The following HERC2 variants were observed in gnomAD, a reference collection of about 807,000 sequenced individuals.
HERC2 encodes E3 ubiquitin-protein ligase HERC2.
A neutral mutation model predicts 537.7 loss-of-function variants in HERC2; 102 were observed. That is an observed-to-expected ratio of 0.19 (90% CI 0.16 to 0.22). HERC2 has a LOEUF of 0.22. Among genes scored for constraint, HERC2 ranks in the 10% least tolerant of loss-of-function variants. The pLI, the probability that HERC2 is intolerant of heterozygous loss-of-function variation, is 1.00. For synonymous variants in HERC2, 2,224 were observed against 2,466.2 expected, an observed-to-expected ratio of 0.90 and a Z score of 2.91; for missense variants, 4,236 against 6,198.2, an observed-to-expected ratio of 0.68 and a Z score of 10.63.
intron 65 of HERC2, 28 bp from the exon 66 acceptor site, chr15:28,169,683 G>A (rs759258781): frequency 6.3e-7 from 1 of 1,589,526 alleles, no homozygotes; most frequent in Non-Finnish European, 8.6e-7. Flanking sequence ...AATTTGCATT[G>A]TTTTTAAAAT....
At chr15:28,198,832 A>T (rs926028906) in intron 48 of HERC2, 63 bp from the exon 49 acceptor site, 2 of 1,405,814 alleles carry the variant, frequency 1.4e-6, no homozygotes, top group Non-Finnish European at 2.0e-6. Context: ...GAGCCATGAT[A>T]AGTAGTATTA....
intron 53 of HERC2, 26 bp downstream of exon 53, chr15:28,191,935 C>T (rs367693536): frequency 9.6e-5 from 153 of 1,594,604 alleles, no homozygotes; most frequent in Non-Finnish European, 1.2e-4. Context: ...TGAAAGTGCC[C>T]GCTGCTGTGC....
At chr15:28,128,614 G>A (rs891564750) in intron 83 of HERC2, among the ~76,000 whole-genome samples, 6 of 152,300 alleles carry the variant, frequency 3.9e-5, no homozygotes, top group South Asian at 2.1e-4. Flanking sequence ...AGGCTTTAAC[G>A]AGGAGCACAG....
intron 23 of HERC2, 127 bp downstream of exon 23, chr15:28,245,754 C>T: frequency 1.2e-6 from 1 of 848,096 alleles, no homozygotes; most frequent in Non-Finnish European, 1.9e-6. Flanking sequence ...CCATTTTTTA[C>T]TTATACTACC....
At chr15:28,117,258 A>C in intron 86 of HERC2, 104 bp from the exon 87 acceptor site, 1 of 1,141,744 alleles carries the variant, frequency 8.8e-7, no homozygotes, top group East Asian at 2.4e-5. Flanking sequence ...GGCACCGTGC[A>C]TGGGCCCCTC....
chr15:28,214,573 G>A (rs1429768936), intron 40 of HERC2, 82 bp downstream of exon 40: 1 of 1,535,116 alleles, frequency 6.5e-7, no homozygotes, highest in East Asian at 2.3e-5. Flanking sequence ...CCAGGGCACA[G>A]GGAAGGGAAA....
At chr15:28,316,781 G>A (rs34086791) in intron 2 of HERC2, among the ~76,000 whole-genome samples, 1 of 151,848 alleles carries the variant, frequency 6.6e-6, no homozygotes, top group African/African-American at 2.4e-5. Context: ...TCTACTGATC[G>A]TTTTTATTTT....
chr15:28,214,353 G>T (rs984108744), intron 40 of HERC2, 81 bp from the exon 41 acceptor site: 1 of 1,229,904 alleles, frequency 8.1e-7, no homozygotes, highest in Non-Finnish European at 1.2e-6. Context: ...CCACCTCTAA[G>T]TGACGGCACT....
intron 20 of HERC2, among the ~76,000 whole-genome samples, chr15:28,252,308 C>A (rs2075109542): frequency 6.6e-6 from 1 of 151,834 alleles, no homozygotes; most frequent in African/African-American, 2.4e-5. Context: ...TCTGGGCAAG[C>A]AGGAGACGGG....
intron 23 of HERC2, among the ~76,000 whole-genome samples, chr15:28,240,078 A>T (rs1902902748): frequency 6.6e-6 from 1 of 152,180 alleles, no homozygotes; most frequent in Non-Finnish European, 1.5e-5. Flanking sequence ...CCTTATCATT[A>T]AGAGGTAAAA....
At chr15:28,206,687 G>A (rs1223927706) in intron 44 of HERC2, among the ~76,000 whole-genome samples, 1 of 151,252 alleles carries the variant, frequency 6.6e-6, no homozygotes, top group Non-Finnish European at 1.5e-5. Context: ...CAAAACATTA[G>A]CTGGGCATGG....
chr15:28,214,879 T>G, intron 39 of HERC2, 77 bp from the exon 40 acceptor site: 1 of 1,289,068 alleles, frequency 7.8e-7, no homozygotes, highest in South Asian at 1.4e-5. Context: ...TTTTTTTATT[T>G]TTTATTTTTT....
intron 2 of HERC2, among the ~76,000 whole-genome samples, chr15:28,314,318 A>G (rs974509633): frequency 2.0e-5 from 3 of 152,214 alleles, no homozygotes; most frequent in African/African-American, 4.8e-5. Flanking sequence ...GGAATGAACT[A>G]AAGTGTTAAC....
At chr15:28,307,435 T>C (rs1474069932) in intron 2 of HERC2, among the ~76,000 whole-genome samples, 3 of 152,226 alleles carry the variant, frequency 2.0e-5, no homozygotes, top group Admixed American at 6.5e-5. Context: ...CCTTCTTTTC[T>C]AGTTCTTTAA....
At chr15:28,207,028 C>A (rs912586593) in intron 44 of HERC2, among the ~76,000 whole-genome samples, 2 of 150,320 alleles carry the variant, frequency 1.3e-5, no homozygotes, top group Non-Finnish European at 3.0e-5. Flanking sequence ...AAAAAAAAAA[C>A]TAGACTCTAA....
At chr15:28,267,193 A>T (rs959185891) in intron 12 of HERC2, among the ~76,000 whole-genome samples, 1 of 152,156 alleles carries the variant, frequency 6.6e-6, no homozygotes, top group African/African-American at 2.4e-5. Flanking sequence ...AAATACACAC[A>T]GTGGCACAGG....
intron 88 of HERC2, 88 bp from the exon 89 acceptor site, chr15:28,115,629 C>T (rs1273963915): frequency 2.3e-6 from 2 of 883,146 alleles, no homozygotes; most frequent in Non-Finnish European, 3.7e-6. Context: ...GACAGCAGCT[C>T]CACACTCAGG....
At chr15:28,140,742 G>A (rs555057876) in intron 78 of HERC2, among the ~76,000 whole-genome samples, 2 of 151,374 alleles carry the variant, frequency 1.3e-5, no homozygotes, top group Non-Finnish European at 2.9e-5. Flanking sequence ...GGCTGGTCTC[G>A]AACTCCTGAC....
At position 28,256,284 on chromosome 15, in the gene HERC2, C is replaced by T; in HGVS notation, c.2551G>A (p.Glu851Lys). 1.3e-6 allele frequency: 2 copies of T among 1,596,598 alleles called. No individual in the cohort carries two copies. Among genetic ancestry groups the T allele is most frequent in the Non-Finnish European group, 8.5e-7 (1 of 1,179,422 alleles). ...CTGCCCAGACCTAAACCAAGGAATT[C>T]CGGGTCAACCTGGTGACTAATGGCA... The part of the protein sequence containing the change: ...HAAISHQVDP[E>K]FLGLGLGSIL... Residue 851 changes from glutamate to lysine, a missense_variant, in exon 18 of 93, where the codon GAA becomes AAA. By Grantham distance (56) the Glu-to-Lys change is moderately conservative. Transcript: ENST00000261609.
Sources: gnomAD v4.1 joint callset for allele counts (sites outside exome capture counted in the v4.1 genomes callset) on GRCh38, gnomAD v4.1.1 for gene constraint, MANE v1.5 for transcripts, NCBI Gene and HGNC (gene_info 2026-07-23, HGNC 2026-07-21) for gene names.